Variants in SREBF2 observed in about 807,000 individuals in gnomAD.
The protein encoded by SREBF2 is sterol regulatory element-binding protein 2.
In SREBF2, 55 loss-of-function variants were observed where a neutral mutation model predicts 113.1. The observed-to-expected ratio is 0.49, with a 90% CI of 0.39 to 0.61. SREBF2 has a LOEUF of 0.61. SREBF2 is among the 20% of genes least tolerant of loss of function. The pLI, the probability that SREBF2 is intolerant of heterozygous loss-of-function variation, is 0.00. For missense variants in SREBF2, 1,349 were observed against 1,487.4 expected (o/e 0.91, Z 1.53); for synonymous variants, 593 against 605.7 (o/e 0.98, Z 0.31).
chr22:41,901,972 C>A (rs1397493566), intron 16 of SREBF2, among the ~76,000 whole-genome samples: 2 of 152,256 alleles, frequency 1.3e-5, no homozygotes, highest in African/African-American at 4.8e-5. Context: ...GGTGCTTCTG[C>A]AGCATGCACA....
At chr22:41,869,004 CACTT>C (rs2077114083) in intron 3 of SREBF2, among the ~76,000 whole-genome samples, 1 of 152,226 alleles carries the variant, frequency 6.6e-6, no homozygotes, top group Non-Finnish European at 1.5e-5. Context: ...CTGGTGCAGT[CACTT>C]ACGTACACAT....
chr22:41,898,599 G>A (rs1289821418), intron 14 of SREBF2, 50 bp from the exon 15 acceptor site: 14 of 1,613,028 alleles, frequency 8.7e-6, no homozygotes, highest in African/African-American at 1.3e-5. Context: ...GAGCGCCACA[G>A]GTCTCGTTTC....
chr22:41,873,887 A>C lies in SREBF2; in HGVS notation c.957A>C (p.Gly319=). The stretch of plus-strand genomic sequence containing the variant: ...TGCCCATTAAGCAGGTACCTGGGGG[A>C]GTCAAGCAGCTTGAGCCCCCCAAAG... The part of the protein sequence containing the change: ...EKVPIKQVPG[G]VKQLEPPKEG... The change falls in exon 5 of 19, where the codon GGA becomes GGC. Residue 319 remains glycine (G), a synonymous_variant. Transcript: ENST00000361204. 1 of 1,614,074 alleles carries C rather than the reference A, an allele frequency of 6.2e-7. No homozygotes were observed. Among genetic ancestry groups the C allele is most frequent in the Middle Eastern group, 1.7e-4 (1 of 6,060 alleles).
rs201154921 is a variant in SREBF2, at chr22:41,868,748, G to T, written c.676G>T (p.Ala226Ser). 6.2e-5 allele frequency: 100 copies of T among 1,613,874 alleles called. No individual in the cohort carries two copies. The highest frequency in any genetic ancestry group is 6.3e-5 in the Non-Finnish European group (74 of 1,179,954). The change falls in exon 3 of 19, where the codon GCT becomes TCT. Residue 226 changes from alanine to serine, a missense_variant. Physicochemically the swap from Ala to Ser is moderately conservative, Grantham distance 99 (BLOSUM62 1). This residue lies in a region of SREBF2 where 699 missense variants were observed against 843.3 expected (regional missense o/e 0.83). Coordinates refer to ENST00000361204, the MANE Select transcript of SREBF2 (RefSeq NM_004599.4). ...TGGCACGCTGCAGACCCTTGCCCCG[G>T]CTACGGTGCAGACAGTTGCTGCGCC... The part of the protein sequence containing the change: ...ANGTLQTLAP[A>S]TVQTVAAPQV...
chr22:41,884,872 A>G lies in SREBF2; in HGVS notation c.2069A>G (p.Asp690Gly), dbSNP rs1259084407. The G allele has an allele frequency of 6.2e-7, 1 of 1,614,112 alleles. No homozygotes were observed. Among genetic ancestry groups the G allele is most frequent in the Admixed American group, 1.7e-5 (1 of 60,014 alleles). ...CTTCCTGCAGGATCCGCCTGTTCCG[A>G]TGTACACATGGCGTTGTGTGCCGTG... Reference protein sequence around the residue: ...GKLPAGSACSDVHMALCAVNL... With the variant: ...GKLPAGSACSGVHMALCAVNL... Residue 690 changes from aspartate (D) to glycine (G), a missense_variant, in exon 11 of 19, where the codon GAT becomes GGT. Around this residue, in one of 2 missense-constraint regions of SREBF2, gnomAD observed 650 missense variants for 644.1 expected, o/e 1.01. Transcript: ENST00000361204.
At chr22:41,849,748 A>G (rs1034556627) in intron 1 of SREBF2, among the ~76,000 whole-genome samples, 14 of 152,228 alleles carry the variant, frequency 9.2e-5, no homozygotes, top group Non-Finnish European at 1.5e-5. Context: ...AAATACAGCC[A>G]GTCAAAAATA....
At chr22:41,896,178 A>G (rs956330625) in intron 13 of SREBF2, among the ~76,000 whole-genome samples, 19 of 151,650 alleles carry the variant, frequency 1.3e-4, no homozygotes, top group Non-Finnish European at 1.3e-4. Context: ...ATGAAATGTG[A>G]CGAGCTCAGC....
chr22:41,872,807 C>T (rs1351832895), intron 4 of SREBF2, among the ~76,000 whole-genome samples: 1 of 151,940 alleles, frequency 6.6e-6, no homozygotes, highest in African/African-American at 2.4e-5. Context: ...AGGAGAATCA[C>T]TTGAACCAGG....
At chr22:41,848,261 A>AT (rs1402549965) in intron 1 of SREBF2, among the ~76,000 whole-genome samples, 1 of 151,480 alleles carries the variant, frequency 6.6e-6, no homozygotes, top group African/African-American at 2.4e-5. Context: ...CTCCCCCTGT[A>AT]TTTTTTTAGT....
intron 1 of SREBF2, among the ~76,000 whole-genome samples, chr22:41,848,059 G>A: frequency 6.6e-6 from 1 of 151,738 alleles, no homozygotes; most frequent in Non-Finnish European, 1.5e-5. Flanking sequence ...GGGACTACAG[G>A]CGCCCGCCAC....
At chr22:41,883,955 C>T (rs2077274037) in intron 10 of SREBF2, among the ~76,000 whole-genome samples, 1 of 152,196 alleles carries the variant, frequency 6.6e-6, no homozygotes, top group Non-Finnish European at 1.5e-5. Context: ...TGCAAGGATA[C>T]TTTGTTCCCT....
chr22:41,882,867 G>T (rs1317012204), intron 10 of SREBF2, among the ~76,000 whole-genome samples: 1 of 152,186 alleles, frequency 6.6e-6, no homozygotes, highest in Non-Finnish European at 1.5e-5. Flanking sequence ...ACTTTGGGAG[G>T]TCAAGGAAGG....
chr22:41,869,475 T>G lies in SREBF2; in HGVS notation c.720+683T>G, dbSNP rs537244968. On this transcript the variant is annotated intron_variant, in intron 3 of 18. Transcript: ENST00000361204. ...TGGGGGGAGGGGGGGCATGTATTAT[T>G]AATCTTTTTTTTAATTTTTTTTTTT... Among the ~76,000 whole-genome samples, 17 of 144,140 alleles carry G rather than the reference T, an allele frequency of 1.2e-4. 1 individual carries two copies. Among genetic ancestry groups the G allele is most frequent in the African/African-American group, 4.6e-4 (17 of 36,992 alleles). The allele number at this position is 144,140 out of a possible 152,430, so 94.6% of individuals were successfully genotyped here.
At chr22:41,874,113 A>G (rs1602313392) in intron 5 of SREBF2, 94 bp downstream of exon 5, 1 of 1,263,002 alleles carries the variant, frequency 7.9e-7, no homozygotes, top group Middle Eastern at 1.9e-4. Context: ...GCTCAAGGTA[A>G]GTGAATACAA....
At chr22:41,889,412 C>A (rs2077333970) in intron 11 of SREBF2, among the ~76,000 whole-genome samples, 1 of 152,086 alleles carries the variant, frequency 6.6e-6, no homozygotes, top group Admixed American at 6.5e-5. Context: ...TAGGCATGCA[C>A]CACCGCGCCT....
chr22:41,898,262 C>T (rs2077433251), intron 14 of SREBF2, among the ~76,000 whole-genome samples: 1 of 152,036 alleles, frequency 6.6e-6, no homozygotes, highest in African/African-American at 2.4e-5. Flanking sequence ...TACAGTCACC[C>T]GCCACCATGC....
At chr22:41,876,629 A>G (rs1368454832) in intron 7 of SREBF2, among the ~76,000 whole-genome samples, 1 of 152,222 alleles carries the variant, frequency 6.6e-6, no homozygotes, top group East Asian at 1.9e-4. Flanking sequence ...CAGTTTTAGA[A>G]CAGGTAAAAT....
intron 1 of SREBF2, among the ~76,000 whole-genome samples, chr22:41,837,340 C>G (rs1182363011): frequency 1.3e-5 from 2 of 151,250 alleles, no homozygotes; most frequent in Non-Finnish European, 2.9e-5. Flanking sequence ...GGCGGATCAC[C>G]TGAGGTCAGG....
intron 3 of SREBF2, 51 bp from the exon 4 acceptor site, chr22:41,870,838 A>T (rs750662166): frequency 2.4e-5 from 38 of 1,609,516 alleles, no homozygotes; most frequent in Non-Finnish European, 3.1e-5. Flanking sequence ...AGGAATGCAT[A>T]ACAGAAGGAT....
Sources: allele counts gnomAD v4.1 joint callset (sites outside exome capture counted in the v4.1 genomes callset), GRCh38; gene constraint gnomAD v4.1.1; regional missense constraint gnomAD v4.1.1; transcripts MANE v1.5; gene names NCBI Gene and HGNC (gene_info 2026-07-23, HGNC 2026-07-21).